PCDHA3: variants seen among roughly 807,000 people sequenced by gnomAD.
The protein encoded by PCDHA3 is protocadherin alpha-3.
A neutral mutation model predicts 62.2 loss-of-function variants in PCDHA3; 41 were observed. The observed-to-expected ratio is 0.66, with a 90% CI of 0.51 to 0.86. The LOEUF is 0.86. Ranked by LOEUF, PCDHA3 falls within the 40% of genes least tolerant of loss-of-function variation. The pLI is 0.00. For synonymous variants in PCDHA3, 640 were observed against 555.4 expected, an observed-to-expected ratio of 1.15 and a Z score of -2.14; for missense variants, 1,304 against 1,241.2, an observed-to-expected ratio of 1.05 and a Z score of -0.76.
At chr5:140,914,613 G>A (rs2076780862) in intron 1 of PCDHA3, among the ~76,000 whole-genome samples, 1 of 151,852 alleles carries the variant, frequency 6.6e-6, no homozygotes, top group Non-Finnish European at 1.5e-5. Flanking sequence ...CTGCCATTTT[G>A]TAATTTGTTT....
At chr5:140,879,099 A>G (rs1255546668) in intron 1 of PCDHA3, among the ~76,000 whole-genome samples, 1 of 152,242 alleles carries the variant, frequency 6.6e-6, no homozygotes, top group Non-Finnish European at 1.5e-5. Flanking sequence ...ACTGCACAGT[A>G]TATGGTGTAA....
intron 2 of PCDHA3, chr5:140,982,223 TA>T: frequency 5.2e-6 from 3 of 580,212 alleles, no homozygotes; most frequent in East Asian, 4.0e-5. Context: ...ATGGCGTTAA[TA>T]AAAAACAGAA....
intron 1 of PCDHA3, among the ~76,000 whole-genome samples, chr5:140,916,666 A>G (rs782065585): frequency 2.0e-5 from 3 of 152,176 alleles, no homozygotes; most frequent in Non-Finnish European, 2.9e-5. Flanking sequence ...AAGATGCAAG[A>G]CAAAGTCCTC....
intron 1 of PCDHA3, chr5:140,882,203 T>C: frequency 6.5e-7 from 1 of 1,530,090 alleles, no homozygotes; most frequent in East Asian, 2.3e-5. Context: ...AATTGGGCCT[T>C]GAGAGACAGT....
intron 1 of PCDHA3, chr5:140,848,643 C>CAGG (rs2150415990): frequency 1.3e-6 from 2 of 1,593,132 alleles, no homozygotes; most frequent in African/African-American, 2.7e-5. Context: ...CCGCATCGCG[C>CAGG]AGGACCTGGG....
At chr5:140,832,862 T>C (rs1232593064) in intron 1 of PCDHA3, among the ~76,000 whole-genome samples, 2 of 152,192 alleles carry the variant, frequency 1.3e-5, no homozygotes, top group African/African-American at 2.4e-5. Flanking sequence ...AGAGTCATGA[T>C]GTTTTACTGG....
intron 1 of PCDHA3, chr5:140,804,594 C>T (rs1310152984): frequency 1.3e-5 from 2 of 152,256 alleles, no homozygotes; most frequent in African/African-American, 4.8e-5. Flanking sequence ...TTTGATAAGC[C>T]AATGTTATAA....
At chr5:140,806,786 A>G (rs781855345) in intron 1 of PCDHA3, 22 of 198,436 alleles carry the variant, frequency 1.1e-4, no homozygotes, top group Non-Finnish European at 2.3e-4. Context: ...CCTGTGTTGA[A>G]AAAATTATTT....
intron 1 of PCDHA3, chr5:140,966,888 C>T: frequency 1.9e-6 from 3 of 1,593,128 alleles, no homozygotes; most frequent in Non-Finnish European, 2.6e-6. Flanking sequence ...GGCCCTGCGG[C>T]CTCCCAGCTG....
chr5:140,891,893 CAAG>C (rs2063302978), intron 1 of PCDHA3, among the ~76,000 whole-genome samples: 1 of 152,210 alleles, frequency 6.6e-6, no homozygotes, highest in Non-Finnish European at 1.5e-5. Flanking sequence ...GACGATGCAG[CAAG>C]AAGATCTTCA....
chr5:140,912,640 T>C (rs181860319), intron 1 of PCDHA3, among the ~76,000 whole-genome samples: 5 of 152,296 alleles, frequency 3.3e-5, no homozygotes, highest in Non-Finnish European at 7.4e-5. Flanking sequence ...TTCAGTACTA[T>C]GTTGAATAGA....
intron 1 of PCDHA3, chr5:140,835,681 C>T (rs2150132521): frequency 6.2e-7 from 1 of 1,613,918 alleles, no homozygotes; most frequent in Non-Finnish European, 8.5e-7. Flanking sequence ...GGGGGCTCGC[C>T]TTCTCTGTGG....
intron 3 of PCDHA3, among the ~76,000 whole-genome samples, chr5:140,995,324 G>C (rs1290299693): frequency 1.3e-5 from 2 of 152,190 alleles, no homozygotes; most frequent in Non-Finnish European, 2.9e-5. Context: ...GAACTAACAG[G>C]TGAGTAGTGT....
chr5:140,993,133 C>T (rs2097542175), intron 3 of PCDHA3, among the ~76,000 whole-genome samples: 1 of 152,190 alleles, frequency 6.6e-6, no homozygotes, highest in East Asian at 1.9e-4. Context: ...CCTTCTGTTG[C>T]AACAAGTATA....
At chr5:140,852,781 G>A (rs1213399832) in intron 1 of PCDHA3, 1 of 979,508 alleles carries the variant, frequency 1.0e-6, no homozygotes, top group African/African-American at 1.8e-5. Flanking sequence ...GATGTGAATA[G>A]AGGGATGCTA....
At chr5:140,858,133 C>A in intron 1 of PCDHA3, 2 of 1,597,688 alleles carry the variant, frequency 1.3e-6, no homozygotes, top group Non-Finnish European at 1.7e-6. Context: ...TGGATGTCAA[C>A]GTGTACCTGA....
intron 3 of PCDHA3, among the ~76,000 whole-genome samples, chr5:141,003,043 C>T (rs2098108698): frequency 6.6e-6 from 1 of 152,198 alleles, no homozygotes; most frequent in Non-Finnish European, 1.5e-5. Flanking sequence ...CCCTCCTGGC[C>T]TTAACAGAAC....
chr5:140,850,570 C>T (rs2041682999), intron 1 of PCDHA3: 2 of 1,598,372 alleles, frequency 1.3e-6, no homozygotes, highest in Non-Finnish European at 8.6e-7. Context: ...CCCGAGGTGA[C>T]GCTGGTGGAT....
At chr5:140,858,247 G>A in intron 1 of PCDHA3, 2 of 1,596,540 alleles carry the variant, frequency 1.3e-6, no homozygotes, top group East Asian at 4.5e-5. Flanking sequence ...GTGGGCCGGT[G>A]AAGCCCACGC....
Sources: gnomAD v4.1 joint callset for allele counts (sites outside exome capture counted in the v4.1 genomes callset) on GRCh38, gnomAD v4.1.1 for gene constraint, MANE v1.5 for transcripts, NCBI Gene and HGNC (gene_info 2026-07-23, HGNC 2026-07-21) for gene names.